SLC17A2: variants seen among roughly 807,000 people sequenced by gnomAD.
The protein encoded by SLC17A2 is sodium-dependent phosphate transport protein 3.
In SLC17A2, 38 loss-of-function variants were observed where a neutral mutation model predicts 52.1. The ratio of observed to expected loss-of-function variants is 0.73; its 90% CI spans 0.56 to 0.96. The LOEUF (loss-of-function observed/expected upper bound fraction) is 0.96, where lower values mean the gene tolerates loss of function less well. SLC17A2 is among the 40% of genes least tolerant of loss of function. The probability of loss-of-function intolerance (pLI) is 0.00; values close to 1 mark genes in which losing one functional copy is unlikely to be tolerated. For synonymous variants in SLC17A2, 226 were observed against 211.9 expected, an observed-to-expected ratio of 1.07 and a Z score of -0.58; for missense variants, 508 against 583.9, an observed-to-expected ratio of 0.87 and a Z score of 1.34.
chr6:25,913,443 C>T lies in SLC17A2; in HGVS notation c.1311G>A (p.Glu437=). The T allele has an allele frequency of 1.2e-6, 2 of 1,613,934 alleles. No homozygotes were observed. Among genetic ancestry groups the T allele is most frequent in the East Asian group, 2.2e-5 (1 of 44,868 alleles). The change falls in exon 12 of 12, where the codon GAG becomes GAA. Residue 437 remains glutamate (E), a synonymous_variant. Transcript: ENST00000377850. ...ATGFLISQDF[E]SGWRNVFFLS... ...GGAAAAAGACATTCCTCCAACCAGA[C>T]TCAAAATCCTAGATGTAAAAAACAG...
At chr6:25,926,276 G>C (rs944161161) in intron 1 of SLC17A2, among the ~76,000 whole-genome samples, 1 of 152,122 alleles carries the variant, frequency 6.6e-6, no homozygotes, top group African/African-American at 2.4e-5. Flanking sequence ...AAGAGCTAAG[G>C]AGGAAGGTTC....
intron 5 of SLC17A2, among the ~76,000 whole-genome samples, chr6:25,918,906 T>C (rs1043580514): frequency 1.4e-4 from 22 of 152,174 alleles, no homozygotes; most frequent in East Asian, 3.9e-4. Context: ...CATGATCTAA[T>C]ATGAGGCTAG....
chr6:25,913,404 G>C lies in SLC17A2; in HGVS notation c.1350C>G (p.Val450=), dbSNP rs752004015. The part of the protein sequence containing the change: ...WRNVFFLSAA[V]NMFGLVFYLT... ...GGTAAAAGACCAGGCCAAACATGTT[G>C]ACTGCAGCAGACAGGAAAAAGACAT... is the stretch of plus-strand genomic sequence containing the variant. The change falls in exon 12 of 12, where the codon GTC becomes GTG. Residue 450 remains valine (V), a synonymous_variant. Transcript: ENST00000377850. 58 of 1,613,898 alleles carry C rather than the reference G, an allele frequency of 3.6e-5. 1 individual carries two copies. In the South Asian group the frequency reaches 6.3e-4, roughly 17 times the overall value.
At position 25,925,286 on chromosome 6, in the gene SLC17A2, G is replaced by A. The variant is rs1413510830; in HGVS notation, c.28+483C>T. Among the ~76,000 whole-genome samples, 5 of 152,184 alleles carry A rather than the reference G, an allele frequency of 3.3e-5. No homozygotes were observed. In the South Asian group the frequency reaches 6.2e-4, roughly 19 times the overall value. ...CCCAGCACTTTGGGAGGCCGAGGCC[G>A]GTGGATCACGAGGTCAGGAGATCGA... On this transcript the variant is annotated intron_variant, in intron 2 of 11. Transcript: ENST00000377850.
intron 2 of SLC17A2, among the ~76,000 whole-genome samples, chr6:25,925,230 C>T (rs1029245474): frequency 6.6e-6 from 1 of 152,016 alleles, no homozygotes; most frequent in Non-Finnish European, 1.5e-5. Context: ...ATGACTTTCC[C>T]GGGCCAGGCG....
chr6:25,917,759 T>C (rs1766383786), intron 6 of SLC17A2, among the ~76,000 whole-genome samples: 1 of 152,234 alleles, frequency 6.6e-6, no homozygotes, highest in African/African-American at 2.4e-5. Flanking sequence ...ACATTCTATG[T>C]TAAAAGATTC....
In SLC17A2 at chr6:25,918,486, C is replaced by T. The variant is rs151243334; in HGVS notation, c.649+1G>A. 14 of 1,607,906 alleles carry T rather than the reference C, an allele frequency of 8.7e-6. No homozygotes were observed. The highest frequency in any genetic ancestry group is 1.3e-5 in the African/African-American group (1 of 74,742). On this transcript the variant is annotated splice_donor_variant, in intron 6 of 11. Coordinates refer to ENST00000377850, the MANE Select transcript of SLC17A2 (RefSeq NM_001286123.3). LOFTEE classifies it high-confidence loss of function. ...TTAGGATTTAAGAGAAAGTGACTCA[C>T]CAAAGATGTAGAAGATAAAAGGCCA...
At chr6:25,916,044 CAT>C (rs1766300670) in intron 8 of SLC17A2, among the ~76,000 whole-genome samples, 176 bp from the exon 9 acceptor site, 1 of 152,164 alleles carries the variant, frequency 6.6e-6, no homozygotes, top group South Asian at 2.1e-4. Context: ...CCAGAAGCTG[CAT>C]CACTCTGGGC....
At chr6:25,925,047 G>A (rs938833528) in intron 2 of SLC17A2, among the ~76,000 whole-genome samples, 1 of 152,214 alleles carries the variant, frequency 6.6e-6, no homozygotes, top group East Asian at 1.9e-4. Flanking sequence ...TGAAGACACA[G>A]ATAAAAATAT....
In SLC17A2 at chr6:25,923,725, G is replaced by A; in HGVS notation, c.210C>T (p.Ser70=). 6.2e-7 allele frequency: 1 copy of A among 1,614,070 alleles called. No individual in the cohort carries two copies. The highest frequency in any genetic ancestry group is 1.3e-5 in the African/African-American group (1 of 75,026). Residue 70 remains serine, a synonymous_variant, in exon 3 of 12, where the codon TCC becomes TCT. Transcript: ENST00000377850. ...EGPVADAFNN[S]SISIKEFDTK... ...TATCAAATTCCTTGATGGATATGCT[G>A]GAGTTATTGAAGGCATCTGCAACAG... is the stretch of plus-strand genomic sequence containing the variant.
Position 25,917,046 on chromosome 6 carries a change from T to G in SLC17A2, c.691A>C (p.Ile231Leu). 1 of 1,614,138 alleles carries G rather than the reference T, an allele frequency of 6.2e-7. No individual in the cohort carries two copies. Among genetic ancestry groups the G allele is most frequent in the Non-Finnish European group, 8.5e-7 (1 of 1,180,020 alleles). The change falls in exon 7 of 12, where the codon ATT becomes CTT. Residue 231 changes from isoleucine (I) to leucine (L), a missense_variant. Ile to Leu is a conservative substitution (Grantham distance 5). Coordinates refer to ENST00000377850, the MANE Select transcript of SLC17A2 (RefSeq NM_001286123.3). The part of the protein sequence containing the change: ...CVCCLLWFTV[I>L]YDDPMHHPCI... ...GGGTGATGCATGGGGTCATCATAAA[T>G]CACTGTGAACCATAGGAGACAGCAG... is the stretch of plus-strand genomic sequence containing the variant.
chr6:25,917,389 T>C (rs962910672), intron 6 of SLC17A2, among the ~76,000 whole-genome samples: 2 of 152,256 alleles, frequency 1.3e-5, no homozygotes, highest in African/African-American at 4.8e-5. Context: ...TACAGTGTTA[T>C]GTATTTTAGG....
rs1374271101 is a variant in SLC17A2 at position 25,930,578 on chromosome 6, A to C, written c.-385T>G. 1.3e-5 allele frequency: 2 copies of C among 152,206 alleles called. No homozygotes were observed. Among genetic ancestry groups the C allele is most frequent in the Non-Finnish European group, 2.9e-5 (2 of 68,032 alleles). The allele number at this position is 152,206 out of a possible 1,614,324, so 9.4% of individuals were successfully genotyped here. A position where few individuals can be genotyped will look rare whatever the true frequency, so the allele number is the denominator to read the frequency against. On this transcript the variant is annotated 5_prime_UTR_variant, in exon 1 of 12. Transcript: ENST00000377850. ...CCAGTATTTTAAGCCCTAGACTATA[A>C]GGCTAACTTGGAAAAGGAGGGAGTT...
At position 25,923,769 on chromosome 6, in the gene SLC17A2, T is replaced by C; in HGVS notation, c.166A>G (p.Asn56Asp). ...VNTTQQQGLS[N>D]ASTEGPVADA... ...GCAACAGGCCCCTCAGTGGAGGCATTAGATAGACCTTGCTGCTGAGTGGTG... is the reference window on the plus strand; with the variant it reads ...GCAACAGGCCCCTCAGTGGAGGCATCAGATAGACCTTGCTGCTGAGTGGTG... Residue 56 changes from asparagine to aspartate, a missense_variant, in exon 3 of 12, where the codon AAT becomes GAT. Asn to Asp is a conservative substitution (Grantham distance 23). Transcript: ENST00000377850. 1 of 1,614,178 alleles carries C rather than the reference T, an allele frequency of 6.2e-7. No homozygotes were observed. Among genetic ancestry groups the C allele is most frequent in the Non-Finnish European group, 8.5e-7 (1 of 1,180,024 alleles).
rs368499142 is a variant in SLC17A2, at chr6:25,925,756, G to A, written c.28+13C>T. On this transcript the variant is annotated intron_variant, in intron 2 of 11. Transcript: ENST00000377850. ...TTATTAACATAGCCTGCAAACAAGAGCAGTGGCTTTACCTTTCCTGGTGGC... is the reference window on the plus strand; with the variant it reads ...TTATTAACATAGCCTGCAAACAAGAACAGTGGCTTTACCTTTCCTGGTGGC... The A allele has an allele frequency of 5.6e-6, 9 of 1,612,396 alleles. No homozygotes were observed. In the East Asian group the frequency reaches 6.7e-5, roughly 12 times the overall value.
Position 25,921,069 on chromosome 6 carries a change from T to A in SLC17A2, c.499A>T (p.Thr167Ser), listed in dbSNP as rs758931394. The A allele has an allele frequency of 6.2e-7, 1 of 1,614,166 alleles. No homozygotes were observed. The highest frequency in any genetic ancestry group is 8.5e-7 in the Non-Finnish European group (1 of 1,180,016). Residue 167 changes from threonine to serine, a missense_variant, in exon 5 of 12, where the codon ACT (threonine) becomes TCT (serine). Coordinates refer to ENST00000377850, the MANE Select transcript of SLC17A2 (RefSeq NM_001286123.3). Reference protein sequence around the residue: ...AQGMAWTGQFTIWAKWAPPLE... With the variant: ...AQGMAWTGQFSIWAKWAPPLE... Reference sequence around the variant, plus strand: ...GGAGGAGCCCACTTTGCCCAAATAGTAAACTGACCTGTCCATGCCATTCCC... The same window carrying A: ...GGAGGAGCCCACTTTGCCCAAATAGAAAACTGACCTGTCCATGCCATTCCC...
Position 25,913,427 on chromosome 6 carries a change from C to T in SLC17A2, c.1327G>A (p.Val443Ile). ...SQDFESGWRN[V>I]FFLSAAVNMF... The stretch of plus-strand genomic sequence containing the variant: ...TTGACTGCAGCAGACAGGAAAAAGA[C>T]ATTCCTCCAACCAGACTCAAAATCC... Residue 443 changes from valine to isoleucine, a missense_variant, in exon 12 of 12, where the codon GTC becomes ATC. By Grantham distance (29) the Val-to-Ile change is conservative. Transcript: ENST00000377850. 6.2e-7 allele frequency: 1 copy of T among 1,614,074 alleles called. No individual in the cohort carries two copies. Among genetic ancestry groups the T allele is most frequent in the Non-Finnish European group, 8.5e-7 (1 of 1,179,964 alleles).
At chr6:25,925,406 G>A (rs6931120) in intron 2 of SLC17A2, among the ~76,000 whole-genome samples, 16,061 of 151,594 alleles carry the variant, frequency 0.11, 1,032 homozygotes, top group African/African-American at 0.17. Flanking sequence ...CAAGCTACTC[G>A]GGAGGCTGAG....
rs1474870144 is a variant in SLC17A2 at position 25,918,572 on chromosome 6, C to A, written c.564G>T (p.Gly188=). Reference sequence around the variant, plus strand: ...GGATGATGAAGGATCCAAATGCTGACCCTAAAGGAAAAAGGGAGAAAAACA... The same window carrying A: ...GGATGATGAAGGATCCAAATGCTGAACCTAAAGGAAAAAGGGAGAAAAACA... ...RSKLTTIAGS[G]SAFGSFIILC... The change falls in exon 6 of 12, where the codon GGG becomes GGT. Residue 188 remains glycine, a splice_region_variant and synonymous_variant. Coordinates refer to ENST00000377850, the MANE Select transcript of SLC17A2 (RefSeq NM_001286123.3). The A allele has an allele frequency of 6.2e-7, 1 of 1,609,202 alleles. No individual in the cohort carries two copies. Among genetic ancestry groups the A allele is most frequent in the African/African-American group, 1.3e-5 (1 of 74,740 alleles).
Sources: allele counts gnomAD v4.1 joint callset (sites outside exome capture counted in the v4.1 genomes callset), GRCh38; gene constraint gnomAD v4.1.1; transcripts MANE v1.5; gene names NCBI Gene and HGNC (gene_info 2026-07-23, HGNC 2026-07-21).